The following BCAS3 variants were observed in gnomAD, a reference collection of about 807,000 sequenced individuals.
BCAS3 encodes the protein BCAS4/BCAS3 fusion.
Under a neutral mutation model 116.1 loss-of-function variants are expected in BCAS3, and 53 were observed. The ratio of observed to expected loss-of-function variants is 0.46; its 90% CI spans 0.37 to 0.57. The LOEUF is 0.57. BCAS3 is among the 20% of genes least tolerant of loss of function. The probability of loss-of-function intolerance (pLI) is 0.00; values close to 1 mark genes in which losing one functional copy is unlikely to be tolerated. For missense variants in BCAS3, 917 were observed against 1,165.4 expected, an observed-to-expected ratio of 0.79 and a Z score of 3.10; for synonymous variants, 391 against 408.2, an observed-to-expected ratio of 0.96 and a Z score of 0.51.
rs2053335754 is a variant in BCAS3 at position 61,300,427 on chromosome 17, G to C, written c.2426-67900G>C. ...AGAAGGCATTACTCAGGTGACATTT[G>C]GGGAAGGAAATGATCAGTAGGGCAA... On this transcript the variant is annotated intron_variant, in intron 22 of 23. Transcript: ENST00000407086. The surrounding 1 kb of genome is among the most constrained non-coding windows in gnomAD (Gnocchi z 5.1). 6.6e-6 allele frequency among the ~76,000 whole-genome samples: 1 copy of C among 152,070 alleles called. No homozygotes were observed. Among genetic ancestry groups the C allele is most frequent in the Non-Finnish European group, 1.5e-5 (1 of 68,036 alleles).
chr17:61,209,069 A>G (rs1339764203), intron 22 of BCAS3, among the ~76,000 whole-genome samples: 1 of 152,084 alleles, frequency 6.6e-6, no homozygotes, highest in Non-Finnish European at 1.5e-5. Flanking sequence ...GCCAAATCCA[A>G]GTAAACATCC....
At chr17:60,957,088 T>C (rs1210206270) in intron 14 of BCAS3, among the ~76,000 whole-genome samples, 2 of 152,210 alleles carry the variant, frequency 1.3e-5, no homozygotes, top group African/African-American at 4.8e-5. Flanking sequence ...AAATAGTCCT[T>C]GTTTTCAACA....
At position 60,960,501 on chromosome 17, in the gene BCAS3, A is replaced by G. The variant is rs1423641410; in HGVS notation, c.1221+13149A>G. On this transcript the variant is annotated intron_variant, in intron 14 of 23. Coordinates refer to ENST00000407086, the MANE Select transcript of BCAS3 (RefSeq NM_017679.5). This position sits in a 1 kb window ranked among gnomAD's most constrained non-coding sequence, Gnocchi z 4.1. ...GAGTCACTGGTTTCAAACATGTTTA[A>G]AATCTAGCAGGGCAAATTCCATTGT... is the stretch of plus-strand genomic sequence containing the variant. 6.6e-6 allele frequency among the ~76,000 whole-genome samples: 1 copy of G among 152,214 alleles called. No individual in the cohort carries two copies. The highest frequency in any genetic ancestry group is 1.5e-5 in the Non-Finnish European group (1 of 68,046).
chr17:60,845,137 G>A (rs1225516732), intron 7 of BCAS3, among the ~76,000 whole-genome samples: 1 of 152,224 alleles, frequency 6.6e-6, no homozygotes, highest in Admixed American at 6.5e-5. Context: ...CCTGAGGCAG[G>A]AGAATCGCTT....
intron 22 of BCAS3, among the ~76,000 whole-genome samples, chr17:61,209,919 T>C (rs551156298): frequency 6.6e-6 from 1 of 152,318 alleles, no homozygotes; most frequent in East Asian, 1.9e-4. Context: ...GTCTTTTCTG[T>C]TTCCTGTCCA....
At chr17:60,969,985 T>G (rs7224778) in intron 14 of BCAS3, among the ~76,000 whole-genome samples, 12,557 of 152,238 alleles carry the variant, frequency 0.082, 1,753 homozygotes, top group African/African-American at 0.28. Context: ...ATCCACACTG[T>G]AAATTATGCT....
At chr17:60,854,433 C>A (rs996082245) in intron 7 of BCAS3, among the ~76,000 whole-genome samples, 8 of 152,076 alleles carry the variant, frequency 5.3e-5, no homozygotes, top group East Asian at 3.9e-4. Flanking sequence ...ATGGCTGGGT[C>A]AAATGGTATT....
chr17:61,269,529 C>T (rs1262933199), intron 22 of BCAS3, among the ~76,000 whole-genome samples: 5 of 152,166 alleles, frequency 3.3e-5, no homozygotes, highest in Non-Finnish European at 5.9e-5. Context: ...ATAGTGACTA[C>T]ACCATTTACA....
rs538211385 is a variant in BCAS3 at position 60,805,171 on chromosome 17, G to A, written c.404-2833G>A. On this transcript the variant is annotated intron_variant, in intron 6 of 23. Coordinates refer to ENST00000407086, the MANE Select transcript of BCAS3 (RefSeq NM_017679.5). ...AGTTAAAAATTTTTAAGTAGAAAAT[G>A]TCTGACTTATTTAAAGGTAGTGTGA... Among the ~76,000 whole-genome samples, 32 of 151,950 alleles carry A rather than the reference G, an allele frequency of 2.1e-4. No individual in the cohort carries two copies. The East Asian group carries it at 6.2e-3, about 29-fold the overall frequency.
chr17:60,903,049 T>C (rs2057998658), intron 11 of BCAS3, among the ~76,000 whole-genome samples: 1 of 152,194 alleles, frequency 6.6e-6, no homozygotes, highest in Non-Finnish European at 1.5e-5. Context: ...TCAAAGATTC[T>C]TTTATATCAA....
intron 7 of BCAS3, among the ~76,000 whole-genome samples, chr17:60,829,635 G>A (rs2050741314): frequency 6.6e-6 from 1 of 152,136 alleles, no homozygotes. Flanking sequence ...TGCTTTTGGT[G>A]TACATTTCTG....
Position 61,140,844 on chromosome 17 carries a change from T to C in BCAS3, c.2425+56280T>C, listed in dbSNP as rs2076879452. On this transcript the variant is annotated intron_variant, in intron 22 of 23. Transcript: ENST00000407086. This position sits in a 1 kb window ranked among gnomAD's most constrained non-coding sequence, Gnocchi z 4.2. ...AGATTGTAATGTAGTGGATTGATGG[T>C]ACATGATTTAAGGGAAATCTTGTAC... Among the ~76,000 whole-genome samples the C allele has an allele frequency of 6.6e-6, 1 of 152,220 alleles. No individual in the cohort carries two copies. The highest frequency in any genetic ancestry group is 1.5e-5 in the Non-Finnish European group (1 of 68,048).
At position 61,316,844 on chromosome 17, in the gene BCAS3, T is replaced by A. The variant is rs2054787614; in HGVS notation, c.2426-51483T>A. Among the ~76,000 whole-genome samples, 1 of 152,230 alleles carries A rather than the reference T, an allele frequency of 6.6e-6. No homozygotes were observed. Among genetic ancestry groups the A allele is most frequent in the Non-Finnish European group, 1.5e-5 (1 of 68,042 alleles). On this transcript the variant is annotated intron_variant, in intron 22 of 23. Coordinates refer to ENST00000407086, the MANE Select transcript of BCAS3 (RefSeq NM_017679.5). This position sits in a 1 kb window ranked among gnomAD's most constrained non-coding sequence, Gnocchi z 5.8. ...CATGTAGGTTTATTAAATTAACAGT[T>A]GCAATTTATGTTTAGCGGTTTCCCC... is the stretch of plus-strand genomic sequence containing the variant.
In BCAS3 at chr17:61,012,435, C is replaced by T. The variant is rs2065174332; in HGVS notation, c.1487-3316C>T. 6.6e-6 allele frequency among the ~76,000 whole-genome samples: 1 copy of T among 152,060 alleles called. No homozygotes were observed. Among genetic ancestry groups the T allele is most frequent in the Non-Finnish European group, 1.5e-5 (1 of 67,936 alleles). On this transcript the variant is annotated intron_variant, in intron 15 of 23. Transcript: ENST00000407086. The surrounding 1 kb of genome is among the most constrained non-coding windows in gnomAD (Gnocchi z 4.5). ...TATGGCTTACAATCTGACTTTTCCA[C>T]CTCACTGCTGAAACTACCCTACTGA...
chr17:60,806,201 T>C (rs899350271), intron 6 of BCAS3, among the ~76,000 whole-genome samples: 1 of 152,036 alleles, frequency 6.6e-6, no homozygotes, highest in Non-Finnish European at 1.5e-5. Flanking sequence ...ACATGCTAGG[T>C]TGAACAAAGA....
chr17:61,380,608 T>A lies in BCAS3; in HGVS notation c.2594-11369T>A, dbSNP rs757723730. 1 of 1,577,582 alleles carries A rather than the reference T, an allele frequency of 6.3e-7. No homozygotes were observed. Among genetic ancestry groups the A allele is most frequent in the Non-Finnish European group, 8.6e-7 (1 of 1,161,988 alleles). ...CCTATCTTTGCCTATGTGGAAGGGG[T>A]TGTCCCGTTGCTTCTTTTGTCCCTC... On this transcript the variant is annotated intron_variant, in intron 23 of 23. Transcript: ENST00000407086. This position sits in a 1 kb window ranked among gnomAD's most constrained non-coding sequence, Gnocchi z 4.2.
chr17:61,158,244 T>A (rs779342326), intron 22 of BCAS3, among the ~76,000 whole-genome samples: 3 of 152,202 alleles, frequency 2.0e-5, no homozygotes, highest in Non-Finnish European at 4.4e-5. Flanking sequence ...TTCTTATTCT[T>A]TACATGACCC....
intron 11 of BCAS3, among the ~76,000 whole-genome samples, chr17:60,903,386 C>T (rs1599572334): frequency 6.6e-6 from 1 of 152,240 alleles, no homozygotes. Context: ...ACATGATGCG[C>T]TTCAGAATGT....
At chr17:60,748,229 G>A (rs2042167398) in intron 6 of BCAS3, among the ~76,000 whole-genome samples, 4 of 152,200 alleles carry the variant, frequency 2.6e-5, no homozygotes, top group African/African-American at 9.7e-5. Context: ...GTGATTGTGT[G>A]TAAATAATTT....
Sources: allele counts gnomAD v4.1 joint callset (sites outside exome capture counted in the v4.1 genomes callset), GRCh38; gene constraint gnomAD v4.1.1; non-coding constraint Gnocchi (gnomAD v3.1); transcripts MANE v1.5; gene names NCBI Gene and HGNC (gene_info 2026-07-23, HGNC 2026-07-21).